Variants in ADCY2 observed in about 807,000 individuals in gnomAD.
ADCY2 encodes adenylate cyclase 2.
Under a neutral mutation model 125.2 loss-of-function variants are expected in ADCY2, and 31 were observed. The ratio of observed to expected loss-of-function variants is 0.25; its 90% CI spans 0.19 to 0.33. The LOEUF (loss-of-function observed/expected upper bound fraction) is 0.33, where lower values mean the gene tolerates loss of function less well. Among genes scored for constraint, ADCY2 ranks in the 10% least tolerant of loss-of-function variants. ADCY2 has a pLI of 1.00. For synonymous variants in ADCY2, 512 were observed against 548.4 expected (o/e 0.93, Z 0.93); for missense variants, 904 against 1,418.2 (o/e 0.64, Z 5.82).
At chr5:7,484,813 C>T (rs922556890) in intron 2 of ADCY2, among the ~76,000 whole-genome samples, 1 of 152,162 alleles carries the variant, frequency 6.6e-6, no homozygotes, top group South Asian at 2.1e-4. Context: ...TAGATGTTTT[C>T]CTTCAGTACA....
intron 3 of ADCY2, among the ~76,000 whole-genome samples, chr5:7,526,904 G>A (rs568309319): frequency 3.9e-5 from 6 of 152,206 alleles, no homozygotes; most frequent in South Asian, 4.1e-4. Flanking sequence ...TATTATCCAC[G>A]TTAAGAATAT....
chr5:7,725,499 G>T (rs2126397366), intron 13 of ADCY2, among the ~76,000 whole-genome samples: 1 of 152,028 alleles, frequency 6.6e-6, no homozygotes, highest in Admixed American at 6.5e-5. Context: ...AGGATCTGTT[G>T]TCTACTGCTA....
chr5:7,489,627 A>G (rs1260446326), intron 2 of ADCY2, among the ~76,000 whole-genome samples: 3 of 152,154 alleles, frequency 2.0e-5, no homozygotes, highest in Non-Finnish European at 4.4e-5. Flanking sequence ...CATGATTGTG[A>G]GGCCTCCCCA....
At chr5:7,789,575 A>G (rs938026033) in intron 19 of ADCY2, 67 bp from the exon 20 acceptor site, 5 of 1,481,428 alleles carry the variant, frequency 3.4e-6, no homozygotes, top group East Asian at 2.3e-5. Flanking sequence ...TTTTCTCTTT[A>G]AAACCTCCAC....
At chr5:7,504,404 A>T (rs887988776) in intron 2 of ADCY2, among the ~76,000 whole-genome samples, 3 of 152,214 alleles carry the variant, frequency 2.0e-5, no homozygotes, top group African/African-American at 7.2e-5. Flanking sequence ...TAGAATTGTG[A>T]AAATACGCAG....
At chr5:7,508,514 A>G (rs1009959787) in intron 2 of ADCY2, among the ~76,000 whole-genome samples, 2 of 152,102 alleles carry the variant, frequency 1.3e-5, no homozygotes, top group African/African-American at 4.8e-5. Context: ...GACTTTCTGG[A>G]CCACAACTGT....
At chr5:7,694,821 T>G (rs993033699) in intron 5 of ADCY2, among the ~76,000 whole-genome samples, 11 of 152,208 alleles carry the variant, frequency 7.2e-5, no homozygotes, top group Non-Finnish European at 1.2e-4. Flanking sequence ...CATATGGTAT[T>G]TTGTTTAATT....
chr5:7,487,201 C>T (rs923914360), intron 2 of ADCY2, among the ~76,000 whole-genome samples: 5 of 152,160 alleles, frequency 3.3e-5, no homozygotes, highest in Admixed American at 6.5e-5. Context: ...AATTCAGATT[C>T]ACCCCTTCTC....
intron 3 of ADCY2, among the ~76,000 whole-genome samples, chr5:7,593,131 A>G (rs1430528416): frequency 2.0e-5 from 3 of 152,192 alleles, no homozygotes; most frequent in Non-Finnish European, 4.4e-5. Flanking sequence ...CTGGGGGATG[A>G]GCGCAAATCG....
chr5:7,469,355 C>T (rs1418017087), intron 2 of ADCY2, among the ~76,000 whole-genome samples: 1 of 151,844 alleles, frequency 6.6e-6, no homozygotes, highest in African/African-American at 2.4e-5. Flanking sequence ...GGTTAATATT[C>T]TACTCATTAT....
intron 2 of ADCY2, among the ~76,000 whole-genome samples, chr5:7,417,489 G>A (rs546847532): frequency 3.3e-4 from 50 of 152,298 alleles, no homozygotes; most frequent in Admixed American, 3.3e-3. Flanking sequence ...TTCTAATTGA[G>A]TGGGGCAGGA....
intron 3 of ADCY2, among the ~76,000 whole-genome samples, chr5:7,582,464 T>C (rs558349190): frequency 1.3e-5 from 2 of 152,042 alleles, no homozygotes; most frequent in Admixed American, 1.3e-4. Context: ...ACAAAGATCG[T>C]AGAAAAGAAA....
At chr5:7,725,669 C>A (rs1197945912) in intron 13 of ADCY2, among the ~76,000 whole-genome samples, 1 of 152,162 alleles carries the variant, frequency 6.6e-6, no homozygotes, top group Non-Finnish European at 1.5e-5. Context: ...AAGTCCATTT[C>A]TTTGTTAATA....
Position 7,679,284 on chromosome 5 carries a change from C to T in ADCY2, c.721-11407C>T, listed in dbSNP as rs368218990. ...CATCCAGGTCCCGGGGGAGCGTGCT[C>T]CAGTGCGGGTCTGAGGCTGCAGGGT... On this transcript the variant is annotated intron_variant, in intron 4 of 24. Coordinates refer to ENST00000338316, the MANE Select transcript of ADCY2 (RefSeq NM_020546.3). Among the ~76,000 whole-genome samples, 11 of 152,052 alleles carry T rather than the reference C, an allele frequency of 7.2e-5. No individual in the cohort carries two copies. In the East Asian group the frequency reaches 7.7e-4, roughly 11 times the overall value.
At chr5:7,433,428 G>GTA (rs1289968869) in intron 2 of ADCY2, among the ~76,000 whole-genome samples, 1 of 151,998 alleles carries the variant, frequency 6.6e-6, no homozygotes, top group African/African-American at 2.4e-5. Context: ...GTGTGTGTGT[G>GTA]TGCACACACA....
At position 7,507,300 on chromosome 5, in the gene ADCY2, G is replaced by T. The variant is rs1307020557; in HGVS notation, c.409-13438G>T. Among the ~76,000 whole-genome samples the T allele has an allele frequency of 4.2e-5, 6 of 144,236 alleles. No homozygotes were observed. In the South Asian group the frequency reaches 6.7e-4, roughly 16 times the overall value. The allele number at this position is 144,236 out of a possible 152,430, so 94.6% of individuals were successfully genotyped here. A position where few individuals can be genotyped will look rare whatever the true frequency, so the allele number is the denominator to read the frequency against. On this transcript the variant is annotated intron_variant, in intron 2 of 24. Transcript: ENST00000338316. ...ACTAAAAATACAAAAAATTAGCCGGGCGTAGTGGCGGGCGCCTGTAGTCCC... is the reference window on the plus strand; with the variant it reads ...ACTAAAAATACAAAAAATTAGCCGGTCGTAGTGGCGGGCGCCTGTAGTCCC...
At chr5:7,735,508 T>G (rs746537320) in intron 14 of ADCY2, among the ~76,000 whole-genome samples, 1 of 152,170 alleles carries the variant, frequency 6.6e-6, no homozygotes, top group Non-Finnish European at 1.5e-5. Context: ...ATTTTATTAA[T>G]AGTTTGTTGA....
intron 3 of ADCY2, among the ~76,000 whole-genome samples, chr5:7,601,555 C>T (rs1244107183): frequency 2.0e-5 from 3 of 152,216 alleles, no homozygotes; most frequent in Non-Finnish European, 2.9e-5. Context: ...GAGGCAAGCT[C>T]AGTTTGCCTT....
intron 2 of ADCY2, among the ~76,000 whole-genome samples, chr5:7,501,438 A>G (rs1447145207): frequency 1.3e-5 from 2 of 152,136 alleles, no homozygotes; most frequent in Non-Finnish European, 2.9e-5. Context: ...AGAATCATGG[A>G]TCTTTTTCAA....
Sources: gnomAD v4.1 joint callset for allele counts (sites outside exome capture counted in the v4.1 genomes callset) on GRCh38, gnomAD v4.1.1 for gene constraint, MANE v1.5 for transcripts, NCBI Gene and HGNC (gene_info 2026-07-23, HGNC 2026-07-21) for gene names.